DLGAP2: variants seen among roughly 807,000 people sequenced by gnomAD.
DLGAP2 encodes DLG associated protein 2.
A neutral mutation model predicts 100.3 loss-of-function variants in DLGAP2; 26 were observed. The observed-to-expected ratio is 0.26, with a 90% confidence interval of 0.19 to 0.36. The LOEUF is 0.36. Among genes scored for constraint, DLGAP2 ranks in the 10% least tolerant of loss-of-function variants. The pLI, the probability that DLGAP2 is intolerant of heterozygous loss-of-function variation, is 1.00. For synonymous variants in DLGAP2, 886 were observed against 630.1 expected, an observed-to-expected ratio of 1.41 and a Z score of -6.08; for missense variants, 1,858 against 1,453.2, an observed-to-expected ratio of 1.28 and a Z score of -4.53.
intron 2 of DLGAP2, among the ~76,000 whole-genome samples, chr8:1,047,116 C>T (rs1197527144): frequency 1.3e-5 from 2 of 152,180 alleles, no homozygotes; most frequent in Non-Finnish European, 2.9e-5. Flanking sequence ...CCATAAGAAA[C>T]CCCTAACTGG....
rs1554435439 is a variant in DLGAP2 at position 1,702,370 on chromosome 8, AACAC to A, written c.*969_*972del. The stretch of plus-strand genomic sequence containing the variant: ...ACTTTTCAGGGTATCCTTAAAAAAA[AACAC>A]ACACGAAAAACAAAAGTTTGCTTGT... On this transcript the variant is annotated 3_prime_UTR_variant, in exon 15 of 15. Transcript: ENST00000637795. The A allele has an allele frequency of 6.6e-6, 1 of 152,274 alleles. No individual in the cohort carries two copies. Among genetic ancestry groups the A allele is most frequent in the Non-Finnish European group, 1.5e-5 (1 of 67,974 alleles). The allele number at this position is 152,274 out of a possible 1,614,324, so 9.4% of individuals were successfully genotyped here.
intron 6 of DLGAP2, among the ~76,000 whole-genome samples, chr8:1,615,583 A>G (rs1421097397): frequency 6.6e-6 from 1 of 152,016 alleles, no homozygotes; most frequent in Non-Finnish European, 1.5e-5. Context: ...AGCCATTGTA[A>G]GGTCTTATGA....
At chr8:840,676 C>T (rs1195482526) in intron 1 of DLGAP2, among the ~76,000 whole-genome samples, 5 of 134,046 alleles carry the variant, frequency 3.7e-5, no homozygotes, top group African/African-American at 8.2e-5. Flanking sequence ...CGCGTCCACA[C>T]GGTGCACACC....
chr8:1,347,415 C>G (rs142285190), intron 3 of DLGAP2, among the ~76,000 whole-genome samples: 7,735 of 144,100 alleles, frequency 0.054, 267 homozygotes, highest in Middle Eastern at 0.18. Context: ...TTCCCATACC[C>G]ATCTGCATTG....
chr8:1,462,723 C>A (rs908438908), intron 3 of DLGAP2, among the ~76,000 whole-genome samples: 13 of 152,180 alleles, frequency 8.5e-5, no homozygotes, highest in African/African-American at 3.1e-4. Flanking sequence ...AGGAATGTAC[C>A]ATCTCAGGCC....
chr8:1,107,137 T>C (rs1301173454), intron 2 of DLGAP2, among the ~76,000 whole-genome samples: 4 of 152,136 alleles, frequency 2.6e-5, no homozygotes, highest in Non-Finnish European at 4.4e-5. Flanking sequence ...AAAATAAAAA[T>C]CAGTGGGGGT....
intron 3 of DLGAP2, among the ~76,000 whole-genome samples, chr8:1,459,054 T>G (rs33997565): frequency 5.1e-5 from 7 of 137,406 alleles, no homozygotes; most frequent in East Asian, 4.5e-4. Context: ...TACATGCATA[T>G]ACCTGAGGGG....
chr8:1,480,303 C>A (rs1799056311), intron 3 of DLGAP2, among the ~76,000 whole-genome samples: 1 of 152,100 alleles, frequency 6.6e-6, no homozygotes, highest in Non-Finnish European at 1.5e-5. Flanking sequence ...GATTTGTCTC[C>A]AGATTGTCTT....
intron 3 of DLGAP2, among the ~76,000 whole-genome samples, chr8:1,344,114 T>TTTGGGGCCCTGTCGTGGGTCCGTGTAC: frequency 2.7e-5 from 1 of 36,938 alleles, no homozygotes; most frequent in African/African-American, 5.4e-5. Context: ...GGTCCATGTA[T>TTTGGGGCCCTGTCGTGGGTCCGTGTAC]TCGGGGCCCT....
At chr8:1,307,353 C>G (rs575718908) in intron 3 of DLGAP2, among the ~76,000 whole-genome samples, 1 of 152,086 alleles carries the variant, frequency 6.6e-6, no homozygotes, top group Non-Finnish European at 1.5e-5. Context: ...AAAACAACAA[C>G]AATGAAAAGA....
chr8:1,575,558 T>C (rs552363452), intron 6 of DLGAP2, among the ~76,000 whole-genome samples: 309 of 150,774 alleles, frequency 2.0e-3, no homozygotes, highest in Non-Finnish European at 3.7e-3. Context: ...CATGTTGGTG[T>C]GCTGTACCCA....
intron 2 of DLGAP2, among the ~76,000 whole-genome samples, chr8:975,581 G>C (rs1457385694): frequency 6.6e-6 from 1 of 152,120 alleles, no homozygotes; most frequent in Non-Finnish European, 1.5e-5. Flanking sequence ...GGTATGCAAG[G>C]CTGGCTCAAC....
chr8:811,629 A>T (rs113937335), intron 1 of DLGAP2, among the ~76,000 whole-genome samples: 55 of 144,134 alleles, frequency 3.8e-4, no homozygotes, highest in African/African-American at 1.4e-3. Flanking sequence ...GCTCCCATCA[A>T]CCTTGGAATG....
At chr8:1,304,327 C>T (rs988065179) in intron 3 of DLGAP2, among the ~76,000 whole-genome samples, 5 of 152,302 alleles carry the variant, frequency 3.3e-5, no homozygotes, top group East Asian at 1.9e-4. Flanking sequence ...ATGATGAAGA[C>T]GACACAGATG....
intron 3 of DLGAP2, among the ~76,000 whole-genome samples, chr8:1,364,535 C>CT (rs2129674988): frequency 6.6e-6 from 1 of 152,084 alleles, no homozygotes; most frequent in African/African-American, 2.4e-5. Flanking sequence ...CACATTTTCC[C>CT]TGGAGGACTG....
intron 1 of DLGAP2, among the ~76,000 whole-genome samples, chr8:875,325 G>A (rs1797669810): frequency 6.6e-6 from 1 of 151,930 alleles, no homozygotes; most frequent in African/African-American, 2.4e-5. Flanking sequence ...GTTTGACTGT[G>A]TCCCCACCCA....
At chr8:1,037,832 T>C (rs2600506) in intron 2 of DLGAP2, among the ~76,000 whole-genome samples, 3,543 of 152,288 alleles carry the variant, frequency 0.023, 135 homozygotes, top group African/African-American at 0.081. Context: ...AGAATCACCC[T>C]GGGAAAGCTT....
chr8:1,681,755 T>C (rs1798953199), intron 12 of DLGAP2, among the ~76,000 whole-genome samples: 1 of 152,216 alleles, frequency 6.6e-6, no homozygotes, highest in Non-Finnish European at 1.5e-5. Flanking sequence ...CCCAATGGAC[T>C]AGGTGAGTAG....
intron 1 of DLGAP2, among the ~76,000 whole-genome samples, chr8:850,041 C>T (rs940529339): frequency 2.2e-5 from 3 of 136,422 alleles, no homozygotes; most frequent in Non-Finnish European, 4.6e-5. Context: ...CCAGCCTGGG[C>T]AACAGAAGGA....
Sources: allele counts gnomAD v4.1 joint callset (sites outside exome capture counted in the v4.1 genomes callset), GRCh38; gene constraint gnomAD v4.1.1; transcripts MANE v1.5; gene names NCBI Gene and HGNC (gene_info 2026-07-23, HGNC 2026-07-21).